EHD1: variants seen among roughly 807,000 people sequenced by gnomAD.
The protein encoded by EHD1 is EH domain containing 1.
EHD1 carries 19 observed loss-of-function variants against 39.0 expected under a neutral mutation model. The observed-to-expected ratio is 0.49, with a 90% CI of 0.34 to 0.72. EHD1 has a LOEUF of 0.72. Among genes scored for constraint, EHD1 ranks in the 30% least tolerant of loss-of-function variants. The pLI is 0.01. For missense variants in EHD1, 542 were observed against 751.5 expected (o/e 0.72, Z 3.26); for synonymous variants, 323 against 331.2 (o/e 0.98, Z 0.27).
Position 64,878,337 on chromosome 11 carries a change from T to C in EHD1, c.128A>G (p.His43Arg). The C allele has an allele frequency of 6.2e-7, 1 of 1,614,108 alleles. No individual in the cohort carries two copies. The highest frequency in any genetic ancestry group is 8.5e-7 in the Non-Finnish European group (1 of 1,180,024). ...CTCCAGCGCGGGCGAGTGGAACTCG[T>C]GGAAGCGGTAGTGCTCCTCCAGGGG... The part of the protein sequence containing the change: ...LLPLEEHYRF[H>R]EFHSPALEDA... The change falls in exon 1 of 5, where the codon CAC becomes CGC. Residue 43 changes from histidine to arginine, a missense_variant. Transcript: ENST00000320631.
chr11:64,867,278 G>A (rs1466530325), intron 2 of EHD1, among the ~76,000 whole-genome samples: 1 of 151,610 alleles, frequency 6.6e-6, no homozygotes, highest in African/African-American at 2.4e-5. Context: ...AATTAGCCAG[G>A]GATGGTGCCA....
At chr11:64,874,379 G>T in intron 2 of EHD1, 42 bp downstream of exon 2, 1 of 1,527,784 alleles carries the variant, frequency 6.5e-7, no homozygotes, top group Non-Finnish European at 8.9e-7. Flanking sequence ...AGAAGGATGT[G>T]TGACAACACC....
At chr11:64,870,193 G>T (rs774427866) in intron 2 of EHD1, among the ~76,000 whole-genome samples, 1 of 152,188 alleles carries the variant, frequency 6.6e-6, no homozygotes, top group Non-Finnish European at 1.5e-5. Context: ...GTGTGTCTCA[G>T]GAGGGACACA....
At chr11:64,872,877 G>A (rs1329205477) in intron 2 of EHD1, among the ~76,000 whole-genome samples, 2 of 152,240 alleles carry the variant, frequency 1.3e-5, no homozygotes, top group African/African-American at 4.8e-5. Flanking sequence ...GGCTTTGACT[G>A]CAAGGCTCAC....
chr11:64,870,043 TC>T lies in EHD1; in HGVS notation c.502+4377del, dbSNP rs577484349. On this transcript the variant is annotated intron_variant, in intron 2 of 4. Transcript: ENST00000320631. The stretch of plus-strand genomic sequence containing the variant: ...CAAACGAGAGCCCAGGCCACCAGGC[TC>T]CCTGGAGACCCCAAGGGATCATTTA... 1.8e-4 allele frequency among the ~76,000 whole-genome samples: 27 copies of T among 152,240 alleles called. No homozygotes were observed. In the East Asian group the frequency reaches 5.0e-3, roughly 28 times the overall value.
chr11:64,866,044 G>C (rs1173220008), intron 2 of EHD1, among the ~76,000 whole-genome samples: 1 of 152,082 alleles, frequency 6.6e-6, no homozygotes, highest in Non-Finnish European at 1.5e-5. Flanking sequence ...TCTGCCATAA[G>C]GACACATGCA....
intron 1 of EHD1, 107 bp downstream of exon 1, chr11:64,877,954 G>T: frequency 8.3e-7 from 1 of 1,200,100 alleles, no homozygotes; most frequent in Non-Finnish European, 1.1e-6. Flanking sequence ...TCTCACTGGG[G>T]CCTCGGAGAC....
Position 64,870,556 on chromosome 11 carries a change from A to AAAC in EHD1, c.502+3862_502+3864dup, listed in dbSNP as rs144287705. Reference sequence around the variant, plus strand: ...GTCTCTGATCTGCTACTGCAAGTAGAAACACTACCCTGCTGATGCTGATAC... The same window carrying AAAC: ...GTCTCTGATCTGCTACTGCAAGTAGAAACAACACTACCCTGCTGATGCTGATAC... On this transcript the variant is annotated intron_variant, in intron 2 of 4. Coordinates refer to ENST00000320631, the MANE Select transcript of EHD1 (RefSeq NM_006795.4). Among the ~76,000 whole-genome samples the AAAC allele has an allele frequency of 5.3e-3, 814 of 152,374 alleles. 10 individuals carry two copies. Among genetic ancestry groups the AAAC allele is most frequent in the African/African-American group, 0.019 (772 of 41,594 alleles).
At chr11:64,859,736 T>TAA (rs1943691888) in intron 3 of EHD1, 188 bp downstream of exon 3, 1 of 778,292 alleles carries the variant, frequency 1.3e-6, no homozygotes, top group Admixed American at 3.0e-5. Flanking sequence ...TAGAGAATCT[T>TAA]AGTTAAGAGC....
intron 2 of EHD1, among the ~76,000 whole-genome samples, chr11:64,867,444 C>T (rs1288598932): frequency 2.0e-5 from 3 of 151,024 alleles, no homozygotes; most frequent in Non-Finnish European, 4.4e-5. Context: ...AAAGGCTAAG[C>T]GCGGCGGCTT....
At chr11:64,867,217 G>A (rs1333887058) in intron 2 of EHD1, among the ~76,000 whole-genome samples, 2 of 152,026 alleles carry the variant, frequency 1.3e-5, no homozygotes, top group Non-Finnish European at 2.9e-5. Context: ...TCAGGAGTTC[G>A]AGACCAGCCT....
chr11:64,861,185 CAA>C (rs113324966), intron 2 of EHD1, among the ~76,000 whole-genome samples: 18 of 125,428 alleles, frequency 1.4e-4, no homozygotes, highest in South Asian at 1.0e-3. Flanking sequence ...GACTCCGTCT[CAA>C]AAAAAAAAAA....
chr11:64,879,614 G>C, upstream of EHD1: 2 of 1,551,048 alleles, frequency 1.3e-6, no homozygotes, highest in South Asian at 2.4e-5. Flanking sequence ...CCCCTTACCA[G>C]TTCCTGGCTG....
rs1389234771 is a variant in EHD1, at chr11:64,877,214, T to C, written c.404+847A>G. On this transcript the variant is annotated intron_variant, in intron 1 of 4. Transcript: ENST00000320631. ...CTCTGGAGAAAAGTGAGCTTGGGCATTGCACTCCTTGAGGGGCGGGAGCAC... is the reference window on the plus strand; with the variant it reads ...CTCTGGAGAAAAGTGAGCTTGGGCACTGCACTCCTTGAGGGGCGGGAGCAC... 2.6e-5 allele frequency among the ~76,000 whole-genome samples: 4 copies of C among 152,150 alleles called. No individual in the cohort carries two copies. The East Asian group carries it at 7.7e-4, about 29-fold the overall frequency.
At chr11:64,859,627 T>G in intron 3 of EHD1, 1 of 368,124 alleles carries the variant, frequency 2.7e-6, no homozygotes, top group Non-Finnish European at 4.9e-6. Context: ...CAGCGGTAAC[T>G]TCCTGTGTGC....
chr11:64,878,694 G>A (rs1335414551), upstream of EHD1: 4 of 1,355,110 alleles, frequency 3.0e-6, no homozygotes, highest in East Asian at 2.9e-5. Context: ...CGCGGCGGGG[G>A]CAGGGCGGAA....
At chr11:64,878,696 AG>A, upstream of EHD1, 1 of 1,354,248 alleles carries the variant, frequency 7.4e-7, no homozygotes, top group Non-Finnish European at 9.4e-7. Context: ...CGGCGGGGGC[AG>A]GGCGGAATTG....
At chr11:64,872,712 G>A (rs78055179) in intron 2 of EHD1, among the ~76,000 whole-genome samples, 3 of 152,104 alleles carry the variant, frequency 2.0e-5, no homozygotes, top group Non-Finnish European at 2.9e-5. Context: ...CCAGATGAGG[G>A]CCAGTGATTT....
intron 1 of EHD1, among the ~76,000 whole-genome samples, chr11:64,877,183 G>A (rs1303729634): frequency 5.3e-5 from 8 of 152,176 alleles, no homozygotes; most frequent in African/African-American, 9.7e-5. Flanking sequence ...GGCATGTCTC[G>A]AGTTTCTCTG....
Sources: gnomAD v4.1 joint callset for allele counts (sites outside exome capture counted in the v4.1 genomes callset) on GRCh38, gnomAD v4.1.1 for gene constraint, MANE v1.5 for transcripts, NCBI Gene and HGNC (gene_info 2026-07-23, HGNC 2026-07-21) for gene names.